Variants in CCDC85A observed in about 807,000 individuals in gnomAD.
CCDC85A encodes coiled-coil domain-containing protein 85A.
A neutral mutation model predicts 50.2 loss-of-function variants in CCDC85A; 38 were observed. The ratio of observed to expected loss-of-function variants is 0.76; its 90% CI spans 0.58 to 0.99. The LOEUF (loss-of-function observed/expected upper bound fraction) is 0.99. CCDC85A is among the 50% of genes least tolerant of loss of function. The pLI, the probability that CCDC85A is intolerant of heterozygous loss-of-function variation, is 0.00. For missense variants in CCDC85A, 820 were observed against 742.0 expected, an observed-to-expected ratio of 1.11 and a Z score of -1.22; for synonymous variants, 366 against 301.4, an observed-to-expected ratio of 1.21 and a Z score of -2.22.
chr2:56,192,774 A>T lies in CCDC85A; in HGVS notation c.574A>T (p.Ser192Cys). The T allele has an allele frequency of 6.2e-7, 1 of 1,613,128 alleles. No individual in the cohort carries two copies. The highest frequency in any genetic ancestry group is 8.5e-7 in the Non-Finnish European group (1 of 1,179,528). ...CCGCTGCTCCATCGACAGCCAGGCC[A>T]GCCTGTGCCAACTCACAGCCTCCAC... ...GSRCSIDSQA[S>C]LCQLTASTAP... Residue 192 changes from serine to cysteine, a missense_variant, in exon 2 of 6, where the codon AGC becomes TGC. Transcript: ENST00000407595. The surrounding 1 kb of genome is among the most constrained non-coding windows in gnomAD (Gnocchi z 4.7).
intron 2 of CCDC85A, among the ~76,000 whole-genome samples, chr2:56,280,611 C>G (rs1040386665): frequency 6.6e-6 from 1 of 152,126 alleles, no homozygotes; most frequent in African/African-American, 2.4e-5. Context: ...TCCCCTCCCC[C>G]AAGCATACCA....
chr2:56,364,951 T>A (rs1275671448), intron 3 of CCDC85A, among the ~76,000 whole-genome samples: 1 of 152,214 alleles, frequency 6.6e-6, no homozygotes, highest in East Asian at 1.9e-4. Context: ...CAGATCAATC[T>A]GTCCACCACC....
chr2:56,185,108 C>G (rs1049733288), intron 1 of CCDC85A, among the ~76,000 whole-genome samples: 1 of 138,222 alleles, frequency 7.2e-6, no homozygotes, highest in African/African-American at 2.6e-5. Flanking sequence ...CAACACGGGG[C>G]GCTCCACTGT....
rs1676328383 is a variant in CCDC85A, at chr2:56,192,237, G to T, written c.277-240G>T. On this transcript the variant is annotated intron_variant, in intron 1 of 5. Coordinates refer to ENST00000407595, the MANE Select transcript of CCDC85A (RefSeq NM_001080433.2). The surrounding 1 kb of genome is among the most constrained non-coding windows in gnomAD (Gnocchi z 4.7). ...CCATACTAATTATTATCCCCTAAAT[G>T]TTTGGGTAAAAATTAGATGACATAA... is the stretch of plus-strand genomic sequence containing the variant. Among the ~76,000 whole-genome samples, 2 of 152,004 alleles carry T rather than the reference G, an allele frequency of 1.3e-5. No individual in the cohort carries two copies. The highest frequency in any genetic ancestry group is 4.1e-4 in the South Asian group (2 of 4,824).
At chr2:56,368,636 T>C (rs2104385034) in intron 3 of CCDC85A, among the ~76,000 whole-genome samples, 1 of 152,246 alleles carries the variant, frequency 6.6e-6, no homozygotes, top group Non-Finnish European at 1.5e-5. Context: ...TGATCAATCT[T>C]CAGGCTTCCG....
At chr2:56,227,458 C>A (rs1469787888) in intron 2 of CCDC85A, among the ~76,000 whole-genome samples, 2 of 152,070 alleles carry the variant, frequency 1.3e-5, no homozygotes, top group Non-Finnish European at 2.9e-5. Flanking sequence ...TGGACCATGG[C>A]AGCAATATCT....
chr2:56,276,023 T>C (rs1345721737), intron 2 of CCDC85A, among the ~76,000 whole-genome samples: 1 of 152,198 alleles, frequency 6.6e-6, no homozygotes, highest in Non-Finnish European at 1.5e-5. Flanking sequence ...TGTTTAAATT[T>C]GGCTCAAGAA....
intron 2 of CCDC85A, among the ~76,000 whole-genome samples, chr2:56,312,042 G>A (rs565375325): frequency 6.6e-6 from 1 of 152,090 alleles, no homozygotes; most frequent in Non-Finnish European, 1.5e-5. Context: ...GCTTCTGAGT[G>A]GCACTGTTTG....
chr2:56,241,861 A>G (rs947699759), intron 2 of CCDC85A, among the ~76,000 whole-genome samples: 3 of 152,180 alleles, frequency 2.0e-5, no homozygotes, highest in African/African-American at 7.2e-5. Flanking sequence ...GAATTGCTGG[A>G]TCATAAGGTA....
At chr2:56,214,207 A>G (rs573197538) in intron 2 of CCDC85A, among the ~76,000 whole-genome samples, 1 of 152,142 alleles carries the variant, frequency 6.6e-6, no homozygotes, top group African/African-American at 2.4e-5. Flanking sequence ...ACATTGGACA[A>G]GTTATATAAC....
chr2:56,357,151 T>C (rs1675276885), intron 3 of CCDC85A, among the ~76,000 whole-genome samples: 2 of 152,066 alleles, frequency 1.3e-5, no homozygotes, highest in South Asian at 4.2e-4. Flanking sequence ...CTTCTGAGCA[T>C]TGATTCATTG....
At chr2:56,273,393 A>T (rs1051917358) in intron 2 of CCDC85A, among the ~76,000 whole-genome samples, 1 of 152,156 alleles carries the variant, frequency 6.6e-6, no homozygotes, top group Admixed American at 6.6e-5. Flanking sequence ...CAGTATTCCA[A>T]TGATGGGAAA....
intron 2 of CCDC85A, among the ~76,000 whole-genome samples, chr2:56,308,704 G>C (rs1220188524): frequency 6.6e-6 from 1 of 152,180 alleles, no homozygotes; most frequent in East Asian, 1.9e-4. Flanking sequence ...TTTATGAGGA[G>C]GAAGAAAGAG....
At chr2:56,189,696 C>T (rs1469481881) in intron 1 of CCDC85A, among the ~76,000 whole-genome samples, 1 of 152,178 alleles carries the variant, frequency 6.6e-6, no homozygotes, top group Non-Finnish European at 1.5e-5. Flanking sequence ...CTTCCAGGTA[C>T]TGAGCATAGT....
At position 56,339,733 on chromosome 2, in the gene CCDC85A, C is replaced by G. The variant is rs371153260; in HGVS notation, c.1241-3146C>G. Among the ~76,000 whole-genome samples the G allele has an allele frequency of 1.1e-3, 162 of 151,968 alleles. 1 individual carries two copies. Among genetic ancestry groups the G allele is most frequent in the African/African-American group, 3.4e-3 (139 of 41,480 alleles). ...CTGATGAACTTTTCACTTGGATGGC[C>G]TTATCAAGTGGTTTTTTTTTTCCAG... is the stretch of plus-strand genomic sequence containing the variant. On this transcript the variant is annotated intron_variant, in intron 2 of 5. Coordinates refer to ENST00000407595, the MANE Select transcript of CCDC85A (RefSeq NM_001080433.2).
At chr2:56,237,372 A>G (rs1669064871) in intron 2 of CCDC85A, among the ~76,000 whole-genome samples, 1 of 152,224 alleles carries the variant, frequency 6.6e-6, no homozygotes. Flanking sequence ...AGGAGGCAGA[A>G]AGCAGGTGTC....
intron 2 of CCDC85A, among the ~76,000 whole-genome samples, chr2:56,236,236 G>A (rs1669010776): frequency 6.6e-6 from 1 of 152,174 alleles, no homozygotes; most frequent in African/African-American, 2.4e-5. Context: ...GCACTCTAGT[G>A]TCATACTATA....
chr2:56,279,547 T>C (rs1285043926), intron 2 of CCDC85A, among the ~76,000 whole-genome samples: 1 of 152,220 alleles, frequency 6.6e-6, no homozygotes, highest in Non-Finnish European at 1.5e-5. Flanking sequence ...ACTGTAATTA[T>C]ATATCCTTTG....
intron 2 of CCDC85A, among the ~76,000 whole-genome samples, chr2:56,310,271 A>C (rs1042391278): frequency 3.3e-5 from 5 of 152,126 alleles, no homozygotes; most frequent in African/African-American, 9.7e-5. Context: ...GGAGAAGTCT[A>C]GGTAGGAGAG....
Sources: allele counts gnomAD v4.1 joint callset (sites outside exome capture counted in the v4.1 genomes callset), GRCh38; gene constraint gnomAD v4.1.1; non-coding constraint Gnocchi (gnomAD v3.1); transcripts MANE v1.5; gene names NCBI Gene and HGNC (gene_info 2026-07-23, HGNC 2026-07-21).